GATB: variants seen among roughly 807,000 people sequenced by gnomAD.
GATB encodes glutamyl-tRNA(Gln) amidotransferase subunit B, mitochondrial.
Under a neutral mutation model 62.3 loss-of-function variants are expected in GATB, and 39 were observed. The observed-to-expected ratio is 0.63, with a 90% CI of 0.48 to 0.82. The LOEUF (loss-of-function observed/expected upper bound fraction) is 0.82. Ranked by LOEUF, GATB falls within the 40% of genes least tolerant of loss-of-function variation. The pLI is 0.00. For synonymous variants in GATB, 276 were observed against 258.9 expected (o/e 1.07, Z -0.63); for missense variants, 670 against 684.0 (o/e 0.98, Z 0.23).
intron 2 of GATB, among the ~76,000 whole-genome samples, chr4:151,750,230 A>T (rs1387024071): frequency 6.6e-6 from 1 of 152,216 alleles, no homozygotes; most frequent in Non-Finnish European, 1.5e-5. Flanking sequence ...ATTTTTAAAT[A>T]ACTGATCATG....
chr4:151,711,972 C>T (rs897558432), intron 5 of GATB, among the ~76,000 whole-genome samples: 1 of 152,188 alleles, frequency 6.6e-6, no homozygotes, highest in African/African-American at 2.4e-5. Context: ...CAAAGGAAAA[C>T]TTCCAAAGTG....
chr4:151,748,383 A>C (rs1300709249), intron 2 of GATB, among the ~76,000 whole-genome samples: 1 of 152,248 alleles, frequency 6.6e-6, no homozygotes, highest in Non-Finnish European at 1.5e-5. Context: ...CTGATCTTTG[A>C]CAAAACTGAC....
At chr4:151,713,598 T>G (rs1306723588) in intron 5 of GATB, among the ~76,000 whole-genome samples, 1 of 152,216 alleles carries the variant, frequency 6.6e-6, no homozygotes, top group Non-Finnish European at 1.5e-5. Context: ...TTTGGGAACA[T>G]GTTTTTTAAG....
chr4:151,757,627 C>CA (rs757586988), intron 2 of GATB, among the ~76,000 whole-genome samples: 10 of 152,086 alleles, frequency 6.6e-5, no homozygotes, highest in South Asian at 6.2e-4. Flanking sequence ...AGCCCACCAC[C>CA]ATGCCCGGCT....
At chr4:151,678,428 A>G (rs1738057687) in intron 11 of GATB, among the ~76,000 whole-genome samples, 1 of 136,028 alleles carries the variant, frequency 7.4e-6, no homozygotes, top group Non-Finnish European at 1.5e-5. Flanking sequence ...GCAATAATTC[A>G]ATGTGTTCTT....
intron 5 of GATB, among the ~76,000 whole-genome samples, chr4:151,714,782 T>C (rs575718347): frequency 1.3e-5 from 2 of 152,312 alleles, no homozygotes; most frequent in African/African-American, 4.8e-5. Context: ...CCACATTTCA[T>C]TTATGTTCTG....
rs919845839 is a variant in GATB, at chr4:151,679,969, A to G, written c.1332-78T>C. 3 of 1,299,502 alleles carry G rather than the reference A, an allele frequency of 2.3e-6. No homozygotes were observed. The African/African-American group carries it at 4.3e-5, about 19-fold the overall frequency. The allele number at this position is 1,299,502 out of a possible 1,614,324, so 80.5% of individuals were successfully genotyped here. A position where few individuals can be genotyped will look rare whatever the true frequency, so the allele number is the denominator to read the frequency against. On this transcript the variant is annotated intron_variant, in intron 10 of 12. Transcript: ENST00000263985. ...CCATGAATGGCTGTTCGGAATCAGAACACTTGCTCTAGTGGGGGTAAATAT... is the reference window on the plus strand; with the variant it reads ...CCATGAATGGCTGTTCGGAATCAGAGCACTTGCTCTAGTGGGGGTAAATAT...
At chr4:151,680,428 C>G (rs1738116653) in intron 10 of GATB, among the ~76,000 whole-genome samples, 1 of 152,132 alleles carries the variant, frequency 6.6e-6, no homozygotes, top group African/African-American at 2.4e-5. Context: ...ATACATAACT[C>G]TCTTCTCCAG....
intron 6 of GATB, 89 bp downstream of exon 6, chr4:151,707,899 T>C (rs567877841): frequency 1.2e-6 from 1 of 832,266 alleles, no homozygotes; most frequent in Admixed American, 2.0e-5. Context: ...GTAGTTCTTG[T>C]GTAAGCCACT....
chr4:151,717,181 C>A, intron 3 of GATB, 107 bp from the exon 4 acceptor site: 1 of 1,013,344 alleles, frequency 9.9e-7, no homozygotes, highest in Non-Finnish European at 1.5e-6. Flanking sequence ...CTACTTAAAG[C>A]AAAAACAACA....
intron 10 of GATB, among the ~76,000 whole-genome samples, chr4:151,682,963 T>A (rs1209299683): frequency 6.6e-6 from 1 of 152,034 alleles, no homozygotes; most frequent in African/African-American, 2.4e-5. Context: ...CACAAGGACA[T>A]CAGCTGAGCC....
At chr4:151,717,573 T>A (rs1578920049) in intron 3 of GATB, among the ~76,000 whole-genome samples, 1 of 152,268 alleles carries the variant, frequency 6.6e-6, no homozygotes, top group East Asian at 1.9e-4. Flanking sequence ...TTCTGCTTTT[T>A]AAAGGAATCA....
intron 10 of GATB, among the ~76,000 whole-genome samples, chr4:151,684,568 G>C (rs11729871): frequency 0.11 from 16,970 of 152,222 alleles, 994 homozygotes; most frequent in African/African-American, 0.13. Context: ...CTAAGCTCTG[G>C]AAACATTAGC....
At chr4:151,687,119 T>G (rs1232502965) in intron 10 of GATB, 1 of 152,262 alleles carries the variant, frequency 6.6e-6, no homozygotes, top group Non-Finnish European at 1.5e-5. Flanking sequence ...GCGCTTCTCA[T>G]GCTGGGCACA....
chr4:151,688,077 C>T (rs540701728), intron 10 of GATB, among the ~76,000 whole-genome samples: 7 of 152,326 alleles, frequency 4.6e-5, no homozygotes, highest in African/African-American at 1.7e-4. Flanking sequence ...TGCCTGCCTC[C>T]GGCCCCTGCA....
chr4:151,731,932 G>A (rs1296582640), intron 2 of GATB, among the ~76,000 whole-genome samples: 2 of 124,760 alleles, frequency 1.6e-5, no homozygotes, highest in South Asian at 5.3e-4. Context: ...AGCCCCCGCC[G>A]GGCCAGCCGC....
intron 10 of GATB, among the ~76,000 whole-genome samples, chr4:151,684,104 C>T (rs1738198280): frequency 6.6e-6 from 1 of 152,190 alleles, no homozygotes; most frequent in Non-Finnish European, 1.5e-5. Context: ...GGATGCTATC[C>T]TACATTTCAT....
intron 2 of GATB, among the ~76,000 whole-genome samples, chr4:151,735,813 T>C (rs940559479): frequency 6.8e-6 from 1 of 147,338 alleles, no homozygotes; most frequent in African/African-American, 2.5e-5. Flanking sequence ...TGCAATGACC[T>C]GGATGGGACT....
Position 151,760,987 on chromosome 4 carries a change from A to G in GATB, c.-5T>C. 1.2e-6 allele frequency: 2 copies of G among 1,607,968 alleles called. No individual in the cohort carries two copies. Among genetic ancestry groups the G allele is most frequent in the Middle Eastern group, 1.9e-4 (1 of 5,136 alleles). On this transcript the variant is annotated 5_prime_UTR_variant, in exon 1 of 13. Coordinates refer to ENST00000263985, the MANE Select transcript of GATB (RefSeq NM_004564.3). ...GCGCAGCATGGGCGCCGCCATTGTA[A>G]CTCCAGGGTCTTGGTCAGGTGACTC...
Sources: allele counts gnomAD v4.1 joint callset (sites outside exome capture counted in the v4.1 genomes callset), GRCh38; gene constraint gnomAD v4.1.1; transcripts MANE v1.5; gene names NCBI Gene and HGNC (gene_info 2026-07-23, HGNC 2026-07-21).